The following FGD5 variants were observed in gnomAD, a reference collection of about 807,000 sequenced individuals.
FGD5 encodes the protein FYVE, RhoGEF and PH domain containing 5.
A neutral mutation model predicts 133.4 loss-of-function variants in FGD5; 28 were observed. That is an observed-to-expected ratio of 0.21 (90% CI 0.16 to 0.29). FGD5 has a LOEUF of 0.29. Among genes scored for constraint, FGD5 ranks in the 10% least tolerant of loss-of-function variants. The pLI is 1.00. For missense variants in FGD5, 1,858 were observed against 1,895.2 expected, an observed-to-expected ratio of 0.98 and a Z score of 0.36; for synonymous variants, 810 against 776.5, an observed-to-expected ratio of 1.04 and a Z score of -0.72.
Position 14,933,441 on chromosome 3 carries a change from T to G in FGD5, c.*274T>G, listed in dbSNP as rs752571158. ...AATAAACTATTTCCTTACCCCGCAG[T>G]GAGTTAAAATTTAGTAAGATGAAGA... On this transcript the variant is annotated 3_prime_UTR_variant, in exon 20 of 20. Coordinates refer to ENST00000285046, the MANE Select transcript of FGD5 (RefSeq NM_152536.4). 3 of 416,662 alleles carry G rather than the reference T, an allele frequency of 7.2e-6. No individual in the cohort carries two copies. The highest frequency in any genetic ancestry group is 3.9e-5 in the Admixed American group (1 of 25,734). 25.8% of individuals were successfully genotyped at this position (416,662 alleles called of 1,614,324 possible).
At chr3:14,880,698 C>T in intron 3 of FGD5, 44 bp from the exon 4 acceptor site, 3 of 1,613,982 alleles carry the variant, frequency 1.9e-6, no homozygotes, top group Non-Finnish European at 2.5e-6. Flanking sequence ...TGGGCTTACA[C>T]AGGATGGGGA....
intron 11 of FGD5, among the ~76,000 whole-genome samples, chr3:14,914,835 G>GGGAGT (rs2038521197): frequency 6.6e-6 from 1 of 152,314 alleles, no homozygotes; most frequent in African/African-American, 2.4e-5. Flanking sequence ...TTAGGACTGT[G>GGGAGT]GGAGTGCACG....
chr3:14,857,113 T>G (rs1575211827), intron 1 of FGD5, among the ~76,000 whole-genome samples: 2 of 152,208 alleles, frequency 1.3e-5, no homozygotes, highest in African/African-American at 4.8e-5. Flanking sequence ...AAATGATTTT[T>G]CTGTCCTTTA....
chr3:14,885,182 T>C (rs1358235033), intron 4 of FGD5, among the ~76,000 whole-genome samples: 3 of 151,426 alleles, frequency 2.0e-5, no homozygotes, highest in African/African-American at 7.3e-5. Flanking sequence ...GCAGGTTACA[T>C]AGTAGACAAA....
chr3:14,932,375 A>G (rs1575269671), intron 18 of FGD5: 1 of 563,682 alleles, frequency 1.8e-6, no homozygotes, highest in Admixed American at 3.5e-5. Flanking sequence ...GAGCCACCAC[A>G]CCCAGCCAGT....
Position 14,922,858 on chromosome 3 carries a change from T to C in FGD5, c.3808-188T>C, listed in dbSNP as rs1408622579. Among the ~76,000 whole-genome samples the C allele has an allele frequency of 1.3e-5, 2 of 152,034 alleles. No homozygotes were observed. The highest frequency in any genetic ancestry group is 2.9e-5 in the Non-Finnish European group (2 of 67,986). ...GGCGCGGGCTCATCAGAAAAGCAGA[T>C]AGGCGCTGGCTCAGAAACAAGATGA... On this transcript the variant is annotated intron_variant, in intron 15 of 19. Transcript: ENST00000285046. The surrounding 1 kb of genome is among the most constrained non-coding windows in gnomAD (Gnocchi z 4.1).
chr3:14,847,407 A>G (rs2037070880), intron 1 of FGD5, among the ~76,000 whole-genome samples: 1 of 152,172 alleles, frequency 6.6e-6, no homozygotes, highest in African/African-American at 2.4e-5. Flanking sequence ...TGACTCCTAG[A>G]ACAGTGCTTC....
intron 9 of FGD5, among the ~76,000 whole-genome samples, chr3:14,903,643 G>C (rs1317296116): frequency 1.3e-5 from 2 of 151,758 alleles, no homozygotes; most frequent in Non-Finnish European, 2.9e-5. Context: ...TGAGAATGAT[G>C]ATTTCCAGTT....
rs570836073 is a variant in FGD5 at position 14,839,337 on chromosome 3, C to A, written c.2525+17741C>A. On this transcript the variant is annotated intron_variant, in intron 1 of 19. Transcript: ENST00000285046. ...GTGAAGGGTGTTTCGTAGACCACAG[C>A]CAGTGTACAAATAGTAGCTCTATTT... is the stretch of plus-strand genomic sequence containing the variant. 2.4e-3 allele frequency among the ~76,000 whole-genome samples: 364 copies of A among 152,294 alleles called. 2 individuals carry two copies. Among genetic ancestry groups the A allele is most frequent in the Non-Finnish European group, 3.5e-3 (240 of 68,024 alleles).
Position 14,820,057 on chromosome 3 carries a change from C to T in FGD5, c.986C>T (p.Pro329Leu), listed in dbSNP as rs2036452375. The change falls in exon 1 of 20, where the codon CCT becomes CTT. Residue 329 changes from proline (P) to leucine (L), a missense_variant. Coordinates refer to ENST00000285046, the MANE Select transcript of FGD5 (RefSeq NM_152536.4). ...GCCGAGGAGAGCTGCCAGATTGTCC[C>T]TTTTGAGAATGACTGCATGGAGGAC... ...ESAEESCQIV[P>L]FENDCMEDFV... The T allele has an allele frequency of 1.2e-6, 2 of 1,613,934 alleles. No homozygotes were observed. Among genetic ancestry groups the T allele is most frequent in the South Asian group, 1.1e-5 (1 of 91,096 alleles).
intron 1 of FGD5, among the ~76,000 whole-genome samples, chr3:14,855,538 A>G (rs1433306292): frequency 6.6e-6 from 1 of 152,294 alleles, no homozygotes; most frequent in South Asian, 2.1e-4. Context: ...CGTCTTTTTG[A>G]TAATAGCCAT....
chr3:14,918,531 A>G (rs1303838717), intron 12 of FGD5, among the ~76,000 whole-genome samples: 2 of 152,210 alleles, frequency 1.3e-5, no homozygotes, highest in African/African-American at 2.4e-5. Flanking sequence ...GGCCCTGAGC[A>G]TGACGCTCTG....
At chr3:14,836,115 C>T (rs1037606913) in intron 1 of FGD5, among the ~76,000 whole-genome samples, 112 of 152,196 alleles carry the variant, frequency 7.4e-4, no homozygotes, top group African/African-American at 2.6e-3. Flanking sequence ...CCACATGTTG[C>T]ACAAGGAGCC....
intron 2 of FGD5, among the ~76,000 whole-genome samples, chr3:14,875,324 G>A (rs1575224430): frequency 1.8e-5 from 2 of 112,166 alleles, no homozygotes; most frequent in Non-Finnish European, 3.8e-5. Context: ...GGTTATTTTA[G>A]GGGGGCTGCG....
chr3:14,875,197 G>A (rs2037691555), intron 2 of FGD5, among the ~76,000 whole-genome samples: 1 of 152,144 alleles, frequency 6.6e-6, no homozygotes, highest in African/African-American at 2.4e-5. Context: ...TGTGACTTCA[G>A]AATTCTCCAG....
At chr3:14,925,243 G>A (rs2038777527) in intron 17 of FGD5, among the ~76,000 whole-genome samples, 1 of 151,742 alleles carries the variant, frequency 6.6e-6, no homozygotes, top group African/African-American at 2.4e-5. Flanking sequence ...AGTTTCTTAT[G>A]GAACCTTGTG....
chr3:14,896,146 A>G (rs1237316924), intron 4 of FGD5, among the ~76,000 whole-genome samples: 1 of 152,246 alleles, frequency 6.6e-6, no homozygotes, highest in Non-Finnish European at 1.5e-5. Flanking sequence ...GACACAGACA[A>G]AAATGCGAAG....
At chr3:14,824,304 G>A (rs954773463) in intron 1 of FGD5, among the ~76,000 whole-genome samples, 48 of 152,214 alleles carry the variant, frequency 3.2e-4, no homozygotes, top group African/African-American at 1.1e-3. Context: ...TGGGGCTGGG[G>A]GACCCTGCTT....
intron 1 of FGD5, among the ~76,000 whole-genome samples, chr3:14,844,834 A>G (rs763116402): frequency 6.6e-6 from 1 of 152,180 alleles, no homozygotes; most frequent in Non-Finnish European, 1.5e-5. Context: ...TCTCTCCTCA[A>G]TAGACTGCAC....
Sources: gnomAD v4.1 joint callset for allele counts (sites outside exome capture counted in the v4.1 genomes callset) on GRCh38, gnomAD v4.1.1 for gene constraint, Gnocchi (gnomAD v3.1) non-coding constraint, MANE v1.5 for transcripts, NCBI Gene and HGNC (gene_info 2026-07-23, HGNC 2026-07-21) for gene names.